ANKRD33B: variants seen among roughly 807,000 people sequenced by gnomAD.
ANKRD33B encodes ankyrin repeat domain 33B, also known as ankyrin repeat domain-containing protein 33B.
In ANKRD33B, 6 loss-of-function variants were observed where a neutral mutation model predicts 21.5. The observed-to-expected ratio is 0.28, with a 90% CI of 0.15 to 0.55. The LOEUF (loss-of-function observed/expected upper bound fraction) is 0.55, where lower values mean the gene tolerates loss of function less well. Ranked by LOEUF, ANKRD33B falls within the 20% of genes least tolerant of loss-of-function variation. ANKRD33B has a pLI of 0.94. For synonymous variants in ANKRD33B, 347 were observed against 342.4 expected (o/e 1.01, Z -0.15); for missense variants, 698 against 747.2 (o/e 0.93, Z 0.77).
At chr5:10,624,693 A>C (rs16885029) in intron 2 of ANKRD33B, 8,051 of 452,496 alleles carry the variant, frequency 0.018, 140 homozygotes, top group African/African-American at 0.052. Flanking sequence ...TGTGCCGAAG[A>C]GATTTTCCCT....
chr5:10,632,491 G>C (rs1048601039), intron 2 of ANKRD33B, among the ~76,000 whole-genome samples: 11 of 152,142 alleles, frequency 7.2e-5, no homozygotes, highest in African/African-American at 2.4e-4. Flanking sequence ...GCGGGGCCAG[G>C]CGTCATTTCC....
chr5:10,601,655 G>T (rs1252623800), intron 1 of ANKRD33B, among the ~76,000 whole-genome samples: 1 of 152,258 alleles, frequency 6.6e-6, no homozygotes, highest in Admixed American at 6.5e-5. Context: ...GCCTGCTGAT[G>T]GTGAATAAAT....
intron 1 of ANKRD33B, among the ~76,000 whole-genome samples, chr5:10,585,157 G>A (rs1394136857): frequency 6.6e-6 from 1 of 152,228 alleles, no homozygotes; most frequent in Non-Finnish European, 1.5e-5. Context: ...AACTCCAGTG[G>A]TAAGTGAGAG....
At chr5:10,638,287 A>G (rs931777599) in intron 3 of ANKRD33B, 119 bp downstream of exon 3, 81 of 1,277,528 alleles carry the variant, frequency 6.3e-5, no homozygotes, top group South Asian at 7.7e-5. Context: ...GCTGCAATAA[A>G]TAATAGTTTC....
At chr5:10,603,940 G>C (rs1735984774) in intron 1 of ANKRD33B, among the ~76,000 whole-genome samples, 1 of 150,414 alleles carries the variant, frequency 6.6e-6, no homozygotes, top group African/African-American at 2.4e-5. Flanking sequence ...TTTTGCCCAG[G>C]CTGGAGTGCA....
At position 10,640,510 on chromosome 5, in the gene ANKRD33B, G is replaced by A. The variant is rs563872642; in HGVS notation, c.637+2342G>A. On this transcript the variant is annotated intron_variant, in intron 3 of 3. Transcript: ENST00000296657. ...GAAATAGAATCAATGATCATCCTTC[G>A]TGCAACCTCATCGGGTTATTTTGAG... Among the ~76,000 whole-genome samples, 4 of 152,278 alleles carry A rather than the reference G, an allele frequency of 2.6e-5. No individual in the cohort carries two copies. The East Asian group carries it at 7.7e-4, about 29-fold the overall frequency.
rs1735000149 is a variant in ANKRD33B at position 10,564,454 on chromosome 5, C to T, written c.-14C>T. On this transcript the variant is annotated 5_prime_UTR_variant, in exon 1 of 4. Coordinates refer to ENST00000296657, the MANE Select transcript of ANKRD33B (RefSeq NM_001164440.2). The stretch of plus-strand genomic sequence containing the variant: ...CCCGCGCCCCGGCCCCCGGCCCGCG[C>T]CCCGGCCGCCGGCATGGTGCTGCTG... 4.4e-6 allele frequency: 5 copies of T among 1,138,408 alleles called. No homozygotes were observed. Among genetic ancestry groups the T allele is most frequent in the African/African-American group, 1.6e-5 (1 of 60,978 alleles). The allele number at this position is 1,138,408 out of a possible 1,614,324, so 70.5% of individuals were successfully genotyped here.
chr5:10,583,111 C>T (rs1227361965), intron 1 of ANKRD33B, among the ~76,000 whole-genome samples: 1 of 152,006 alleles, frequency 6.6e-6, no homozygotes, highest in African/African-American at 2.4e-5. Context: ...ACTCTCCTGC[C>T]TCAGCCTCCC....
intron 1 of ANKRD33B, among the ~76,000 whole-genome samples, chr5:10,577,033 G>A (rs1271035783): frequency 6.6e-6 from 1 of 152,184 alleles, no homozygotes; most frequent in Non-Finnish European, 1.5e-5. Context: ...GGAAGCTGGT[G>A]CCGGGGATGG....
chr5:10,642,654 C>T (rs756913744), intron 3 of ANKRD33B, among the ~76,000 whole-genome samples: 2 of 152,160 alleles, frequency 1.3e-5, no homozygotes, highest in Non-Finnish European at 2.9e-5. Flanking sequence ...ACAGAACAGC[C>T]CTCGGGTGCA....
At position 10,564,162 on chromosome 5, in the gene ANKRD33B, C is replaced by T. The variant is rs1056697299; in HGVS notation, c.-306C>T. 1.4e-4 allele frequency among the ~76,000 whole-genome samples: 22 copies of T among 152,206 alleles called. No individual in the cohort carries two copies. Among genetic ancestry groups the T allele is most frequent in the Middle Eastern group, 3.4e-3 (1 of 292 alleles). On this transcript the variant is annotated 5_prime_UTR_variant, in exon 1 of 4. Transcript: ENST00000296657. ...TCCCCGCGCTCGAGAGAGCGCCTGC[C>T]TGGCTCTGAACTCTGGCCAGGAAGG...
chr5:10,584,497 A>G (rs966150586), intron 1 of ANKRD33B, among the ~76,000 whole-genome samples: 3 of 152,096 alleles, frequency 2.0e-5, no homozygotes, highest in Admixed American at 1.3e-4. Flanking sequence ...GTGAGCCATG[A>G]TCATGCCACT....
rs1288832225 is a variant in ANKRD33B, at chr5:10,564,572, T to C, written c.105T>C (p.Ala35=). Residue 35 remains alanine (A), a synonymous_variant, in exon 1 of 4, where the codon GCT becomes GCC. Coordinates refer to ENST00000296657, the MANE Select transcript of ANKRD33B (RefSeq NM_001164440.2). The part of the protein sequence containing the change: ...PRGAQVEEDP[A]DYEEFEDFSS... ...GCGCGCAGGTCGAGGAGGACCCCGC[T>C]GACTACGAAGAGTTTGAGGACTTCT... 1 of 1,534,224 alleles carries C rather than the reference T, an allele frequency of 6.5e-7. No homozygotes were observed. The highest frequency in any genetic ancestry group is 1.4e-5 in the African/African-American group (1 of 72,938).
chr5:10,609,106 T>C (rs1429645588), intron 1 of ANKRD33B, among the ~76,000 whole-genome samples: 1 of 152,206 alleles, frequency 6.6e-6, no homozygotes, highest in East Asian at 1.9e-4. Context: ...AAGTGTAAAA[T>C]ATGTACTAGA....
At position 10,656,271 on chromosome 5, in the gene ANKRD33B, T is replaced by G. The variant is rs1367553043; in HGVS notation, c.*6158T>G. 6.6e-6 allele frequency: 1 copy of G among 152,356 alleles called. No homozygotes were observed. Among genetic ancestry groups the G allele is most frequent in the African/African-American group, 2.4e-5 (1 of 41,446 alleles). 9.4% of individuals were successfully genotyped at this position (152,356 alleles called of 1,614,324 possible). Reference sequence around the variant, plus strand: ...CAGTACCTGGATTGTTTTGACTTATTTTCAAGCGACTCAGCTGAAAGCCGG... The same window carrying G: ...CAGTACCTGGATTGTTTTGACTTATGTTCAAGCGACTCAGCTGAAAGCCGG... On this transcript the variant is annotated 3_prime_UTR_variant, in exon 4 of 4. Transcript: ENST00000296657.
chr5:10,580,881 C>T (rs903057634), intron 1 of ANKRD33B, among the ~76,000 whole-genome samples: 8 of 152,110 alleles, frequency 5.3e-5, no homozygotes, highest in Non-Finnish European at 1.5e-5. Context: ...ATTTAGATCC[C>T]TCCTGTCATT....
chr5:10,599,167 T>C (rs1203217056), intron 1 of ANKRD33B, among the ~76,000 whole-genome samples: 1 of 152,192 alleles, frequency 6.6e-6, no homozygotes, highest in Non-Finnish European at 1.5e-5. Context: ...CAGTGTGCGC[T>C]CTGGTGCCTG....
In ANKRD33B at chr5:10,657,022, C is replaced by G. The variant is rs2279326; in HGVS notation, c.*6909C>G. The G allele has an allele frequency of 6.6e-6, 1 of 151,730 alleles. No individual in the cohort carries two copies. The highest frequency in any genetic ancestry group is 1.9e-4 in the East Asian group (1 of 5,320). 9.4% of individuals were successfully genotyped at this position (151,730 alleles called of 1,614,324 possible). A position where few individuals can be genotyped will look rare whatever the true frequency, so the allele number is the denominator to read the frequency against. On this transcript the variant is annotated 3_prime_UTR_variant, in exon 4 of 4. Transcript: ENST00000296657. Reference sequence around the variant, plus strand: ...GAAACTTTCCATCAAAGCAATGGTCCGTGTTGGCCTGATGCTTTAAGAAGT... The same window carrying G: ...GAAACTTTCCATCAAAGCAATGGTCGGTGTTGGCCTGATGCTTTAAGAAGT...
At chr5:10,622,802 TA>T (rs5865899) in intron 2 of ANKRD33B, among the ~76,000 whole-genome samples, 55,731 of 141,954 alleles carry the variant, frequency 0.39, 12,908 homozygotes, top group East Asian at 0.62. Flanking sequence ...TGCTTTATTT[TA>T]TTTTATTTTT....
Sources: allele counts gnomAD v4.1 joint callset (sites outside exome capture counted in the v4.1 genomes callset), GRCh38; gene constraint gnomAD v4.1.1; transcripts MANE v1.5; gene names NCBI Gene and HGNC (gene_info 2026-07-23, HGNC 2026-07-21).